Variants in ZNF407 observed in about 807,000 individuals in gnomAD.
ZNF407 encodes the protein zinc finger protein 407.
A neutral mutation model predicts 131.2 loss-of-function variants in ZNF407; 17 were observed. That is an observed-to-expected ratio of 0.13 (90% CI 0.09 to 0.19). The LOEUF (loss-of-function observed/expected upper bound fraction) is 0.19, where lower values mean the gene tolerates loss of function less well. Ranked by LOEUF, ZNF407 falls within the 10% of genes least tolerant of loss-of-function variation. ZNF407 has a pLI of 1.00. For missense variants in ZNF407, 2,681 were observed against 2,830.6 expected (o/e 0.95, Z 1.20); for synonymous variants, 1,156 against 1,062.0 (o/e 1.09, Z -1.72).
At chr18:74,994,792 G>T (rs1972760945) in intron 8 of ZNF407, among the ~76,000 whole-genome samples, 1 of 152,222 alleles carries the variant, frequency 6.6e-6, no homozygotes, top group South Asian at 2.1e-4. Flanking sequence ...GAGGGCACTC[G>T]TGGGCAGTGA....
chr18:74,720,979 C>A (rs1232304340), intron 3 of ZNF407, among the ~76,000 whole-genome samples: 1 of 143,424 alleles, frequency 7.0e-6, no homozygotes, highest in Non-Finnish European at 1.5e-5. Flanking sequence ...TATTCAGGGT[C>A]TTTTGTGGTT....
intron 8 of ZNF407, among the ~76,000 whole-genome samples, chr18:74,947,763 A>T (rs1972169785): frequency 1.3e-5 from 2 of 152,114 alleles, no homozygotes; most frequent in Admixed American, 6.5e-5. Flanking sequence ...GTAGCCCACC[A>T]TTTTCCTTCA....
At chr18:74,953,423 C>T (rs751635339) in intron 8 of ZNF407, among the ~76,000 whole-genome samples, 6 of 152,086 alleles carry the variant, frequency 3.9e-5, no homozygotes, top group Non-Finnish European at 7.4e-5. Context: ...GTACATCTGC[C>T]GTGTATGTCT....
intron 2 of ZNF407, among the ~76,000 whole-genome samples, chr18:74,639,898 C>T (rs1984630491): frequency 1.3e-5 from 2 of 151,880 alleles, no homozygotes; most frequent in Non-Finnish European, 2.9e-5. Context: ...TACAAGGACA[C>T]TGCACAAAGG....
At chr18:74,607,065 A>T (rs1384987550) in intron 1 of ZNF407, among the ~76,000 whole-genome samples, 1 of 152,230 alleles carries the variant, frequency 6.6e-6, no homozygotes, top group East Asian at 1.9e-4. Context: ...TACAGGAGGC[A>T]GGTGTTTCGT....
chr18:74,838,388 C>T (rs1314764451), intron 4 of ZNF407, among the ~76,000 whole-genome samples: 1 of 152,208 alleles, frequency 6.6e-6, no homozygotes, highest in East Asian at 1.9e-4. Flanking sequence ...TGTTCCTCCG[C>T]TGATACTTGA....
At chr18:74,793,398 C>CGT (rs1314110031) in intron 4 of ZNF407, among the ~76,000 whole-genome samples, 2 of 152,100 alleles carry the variant, frequency 1.3e-5, no homozygotes, top group African/African-American at 4.8e-5. Flanking sequence ...TGTCTTGAGG[C>CGT]GTGATCATGA....
chr18:74,971,897 G>T (rs9989516), intron 8 of ZNF407, among the ~76,000 whole-genome samples: 1 of 152,056 alleles, frequency 6.6e-6, no homozygotes, highest in South Asian at 2.1e-4. Context: ...AATCGGACTT[G>T]CAGTTCCACA....
intron 4 of ZNF407, among the ~76,000 whole-genome samples, chr18:74,791,771 C>T (rs779838976): frequency 6.6e-6 from 1 of 152,146 alleles, no homozygotes; most frequent in Non-Finnish European, 1.5e-5. Context: ...GGCGTTTATC[C>T]TGTCTCCAGA....
intron 7 of ZNF407, among the ~76,000 whole-genome samples, chr18:74,906,395 C>G (rs1002111990): frequency 2.0e-5 from 3 of 152,232 alleles, no homozygotes; most frequent in African/African-American, 2.4e-5. Context: ...AGCACATCCA[C>G]CTCTGCCCCA....
chr18:74,847,000 A>C (rs1009885403), intron 4 of ZNF407, among the ~76,000 whole-genome samples: 15 of 152,032 alleles, frequency 9.9e-5, no homozygotes, highest in Non-Finnish European at 1.9e-4. Context: ...TCTCAAAAAA[A>C]AAAAGTGGTT....
chr18:74,923,022 C>T (rs1388823389), intron 8 of ZNF407, among the ~76,000 whole-genome samples: 1 of 152,178 alleles, frequency 6.6e-6, no homozygotes, highest in African/African-American at 2.4e-5. Context: ...TTGACATGAT[C>T]ATTTTTAGCA....
intron 8 of ZNF407, among the ~76,000 whole-genome samples, chr18:74,957,354 G>A (rs879341222): frequency 1.3e-5 from 2 of 151,992 alleles, no homozygotes; most frequent in African/African-American, 4.8e-5. Flanking sequence ...CTTCACTCGC[G>A]GCCAGCTTAT....
chr18:74,635,848 A>G lies in ZNF407; in HGVS notation c.4687+142A>G, dbSNP rs1984438765. 4 of 1,150,396 alleles carry G rather than the reference A, an allele frequency of 3.5e-6. No individual in the cohort carries two copies. Among genetic ancestry groups the G allele is most frequent in the Non-Finnish European group, 4.7e-6 (4 of 845,720 alleles). The allele number at this position is 1,150,396 out of a possible 1,614,324, so 71.3% of individuals were successfully genotyped here. A position where few individuals can be genotyped will look rare whatever the true frequency, so the allele number is the denominator to read the frequency against. On this transcript the variant is annotated intron_variant, in intron 2 of 8. Coordinates refer to ENST00000299687, the MANE Select transcript of ZNF407 (RefSeq NM_017757.3). This position sits in a 1 kb window ranked among gnomAD's most constrained non-coding sequence, Gnocchi z 4.7. ...GCCGTGTGCTGCTCTGCTTGTCTGCAATAAGTCATTGTTGACACTTAACAT... is the reference window on the plus strand; with the variant it reads ...GCCGTGTGCTGCTCTGCTTGTCTGCGATAAGTCATTGTTGACACTTAACAT...
At chr18:74,758,062 C>G (rs1362701994) in intron 3 of ZNF407, among the ~76,000 whole-genome samples, 1 of 152,042 alleles carries the variant, frequency 6.6e-6, no homozygotes, top group East Asian at 1.9e-4. Context: ...ATACTTGGAT[C>G]ATGTTTCTTG....
At chr18:74,802,106 A>G (rs1265420212) in intron 4 of ZNF407, among the ~76,000 whole-genome samples, 1 of 152,230 alleles carries the variant, frequency 6.6e-6, no homozygotes, top group African/African-American at 2.4e-5. Context: ...GCTTTCTGTA[A>G]TGTCCCTCAA....
chr18:74,679,900 T>G (rs1229386846), intron 3 of ZNF407, among the ~76,000 whole-genome samples: 1 of 152,236 alleles, frequency 6.6e-6, no homozygotes, highest in Non-Finnish European at 1.5e-5. Context: ...CTGTTATGCT[T>G]TCATCTCCCT....
intron 3 of ZNF407, among the ~76,000 whole-genome samples, chr18:74,675,782 C>T (rs1021683959): frequency 3.9e-5 from 6 of 152,158 alleles, no homozygotes; most frequent in South Asian, 2.1e-4. Flanking sequence ...ACCCTCTTTC[C>T]GACAATTCGA....
At chr18:74,857,421 A>C (rs1479528707) in intron 4 of ZNF407, among the ~76,000 whole-genome samples, 1 of 152,228 alleles carries the variant, frequency 6.6e-6, no homozygotes, top group Non-Finnish European at 1.5e-5. Context: ...GTAAGGAAAC[A>C]AATCAATTTA....
Sources: allele counts gnomAD v4.1 joint callset (sites outside exome capture counted in the v4.1 genomes callset), GRCh38; gene constraint gnomAD v4.1.1; non-coding constraint Gnocchi (gnomAD v3.1); transcripts MANE v1.5; gene names NCBI Gene and HGNC (gene_info 2026-07-23, HGNC 2026-07-21).